Variants in TNFSF4 observed in about 807,000 individuals in gnomAD.
The protein encoded by TNFSF4 is TNF superfamily member 4.
Under a neutral mutation model 7.3 loss-of-function variants are expected in TNFSF4, and 4 were observed. The observed-to-expected ratio is 0.55, with a 90% confidence interval of 0.27 to 1.25. The LOEUF (loss-of-function observed/expected upper bound fraction) is 1.25. TNFSF4 is among the 50% of genes most tolerant of loss of function. The pLI is 0.12. For synonymous variants in TNFSF4, 76 were observed against 83.7 expected (o/e 0.91, Z 0.50); for missense variants, 181 against 208.8 (o/e 0.87, Z 0.82).
upstream of TNFSF4, among the ~76,000 whole-genome samples, chr1:173,207,734 A>G (rs1650251907): frequency 6.6e-6 from 1 of 152,202 alleles, no homozygotes; most frequent in East Asian, 1.9e-4. Flanking sequence ...TCAGAAAGAA[A>G]GCACACACAG....
chr1:173,428,833 C>T, the TNFSF4 span, among the ~76,000 whole-genome samples: 28 of 152,054 alleles, frequency 1.8e-4, no homozygotes, highest in Non-Finnish European at 3.5e-4. Context: ...GGTGAAACCC[C>T]GTATCTACTA....
At chr1:173,259,153 A>T in the TNFSF4 span, among the ~76,000 whole-genome samples, 2 of 152,042 alleles carry the variant, frequency 1.3e-5, no homozygotes, top group Non-Finnish European at 2.9e-5. Flanking sequence ...GCAGGCTACC[A>T]TCTTTACTGT....
chr1:173,245,964 C>T, the TNFSF4 span, among the ~76,000 whole-genome samples: 1 of 152,112 alleles, frequency 6.6e-6, no homozygotes, highest in Non-Finnish European at 1.5e-5. Context: ...TTTTGTACTA[C>T]ATTTTTTTTA....
At chr1:173,358,045 TGG>T in the TNFSF4 span, among the ~76,000 whole-genome samples, 1 of 152,156 alleles carries the variant, frequency 6.6e-6, no homozygotes, top group Non-Finnish European at 1.5e-5. Flanking sequence ...GATTTTGAGA[TGG>T]GGGGGGGTAT....
the TNFSF4 span, among the ~76,000 whole-genome samples, chr1:173,346,982 T>G: frequency 6.6e-5 from 10 of 152,384 alleles, no homozygotes; most frequent in East Asian, 1.9e-3. Context: ...TGGCAACATT[T>G]GTTATACATA....
the TNFSF4 span, among the ~76,000 whole-genome samples, chr1:173,265,821 C>CGTTA: frequency 6.6e-6 from 1 of 152,066 alleles, no homozygotes; most frequent in Non-Finnish European, 1.5e-5. Context: ...TTTTAATTTG[C>CGTTA]GTTAGTGGTA....
chr1:173,242,137 C>A, the TNFSF4 span, among the ~76,000 whole-genome samples: 1 of 152,146 alleles, frequency 6.6e-6, no homozygotes, highest in Non-Finnish European at 1.5e-5. Flanking sequence ...CCCCTCCCAG[C>A]CTGAAGAGGG....
At chr1:173,447,505 A>C in the TNFSF4 span, among the ~76,000 whole-genome samples, 2 of 152,034 alleles carry the variant, frequency 1.3e-5, no homozygotes, top group Admixed American at 6.6e-5. Context: ...GCATATGGGA[A>C]CTCTCTGTAC....
At chr1:173,177,604 A>T in the TNFSF4 span, among the ~76,000 whole-genome samples, 1 of 152,196 alleles carries the variant, frequency 6.6e-6, no homozygotes, top group South Asian at 2.1e-4. Context: ...TTTTTAAAAT[A>T]AAAAATGCAG....
At chr1:173,346,844 A>C in the TNFSF4 span, among the ~76,000 whole-genome samples, 1 of 152,236 alleles carries the variant, frequency 6.6e-6, no homozygotes, top group African/African-American at 2.4e-5. Context: ...GTTGTGCATC[A>C]CAGGTAAACT....
chr1:173,440,225 G>T, the TNFSF4 span, among the ~76,000 whole-genome samples: 5 of 152,138 alleles, frequency 3.3e-5, no homozygotes, highest in African/African-American at 1.2e-4. Flanking sequence ...TGTCTTTCAG[G>T]CAGCCAGTGA....
the TNFSF4 span, among the ~76,000 whole-genome samples, chr1:173,256,456 A>G: frequency 6.6e-6 from 1 of 151,966 alleles, no homozygotes; most frequent in Non-Finnish European, 1.5e-5. Context: ...CACCTTCATG[A>G]CTTCACCTAA....
At chr1:173,299,313 C>G in the TNFSF4 span, among the ~76,000 whole-genome samples, 147,095 of 151,954 alleles carry the variant, frequency 0.97, 71,340 homozygotes, top group East Asian at 1. Context: ...TGCCCAAGAT[C>G]ATGGCTCACT....
chr1:173,251,149 T>C, the TNFSF4 span, among the ~76,000 whole-genome samples: 54 of 152,304 alleles, frequency 3.5e-4, no homozygotes, highest in African/African-American at 1.1e-3. Context: ...ATACAGTCCA[T>C]AGATACTATA....
intron 1 of TNFSF4, among the ~76,000 whole-genome samples, chr1:173,198,049 C>T (rs1184566731): frequency 1.3e-5 from 2 of 152,088 alleles, no homozygotes; most frequent in Admixed American, 6.5e-5. Context: ...AAGAAATTGG[C>T]CCATTCATCC....
At chr1:173,174,835 GT>G in the TNFSF4 span, among the ~76,000 whole-genome samples, 1 of 152,150 alleles carries the variant, frequency 6.6e-6, no homozygotes, top group Admixed American at 6.5e-5. Flanking sequence ...TATGGCCAAT[GT>G]CACTTCTATA....
the TNFSF4 span, among the ~76,000 whole-genome samples, chr1:173,307,755 G>C: frequency 6.6e-6 from 1 of 151,810 alleles, no homozygotes; most frequent in South Asian, 2.1e-4. Context: ...ACACACACAC[G>C]TGAGTCTGGA....
At chr1:173,347,903 G>A in the TNFSF4 span, among the ~76,000 whole-genome samples, 14,978 of 152,222 alleles carry the variant, frequency 0.098, 866 homozygotes, top group East Asian at 0.27. Flanking sequence ...TCTTTCAAGT[G>A]TGACAACCAA....
chr1:173,435,850 T>A, the TNFSF4 span, among the ~76,000 whole-genome samples: 5 of 152,206 alleles, frequency 3.3e-5, no homozygotes, highest in Non-Finnish European at 7.3e-5. Context: ...TACCCATGAA[T>A]GTCATTTAGT....
Sources: gnomAD v4.1 joint callset for allele counts (sites outside exome capture counted in the v4.1 genomes callset) on GRCh38, gnomAD v4.1.1 for gene constraint, MANE v1.5 for transcripts, NCBI Gene and HGNC (gene_info 2026-07-23, HGNC 2026-07-21) for gene names.